Variants in STK3 observed in about 807,000 individuals in gnomAD.
STK3 encodes serine/threonine kinase 3.
In STK3, 41 loss-of-function variants were observed where a neutral mutation model predicts 58.0. The observed-to-expected ratio is 0.71, with a 90% CI of 0.55 to 0.92. The LOEUF (loss-of-function observed/expected upper bound fraction) is 0.92, where lower values mean the gene tolerates loss of function less well. STK3 is among the 40% of genes least tolerant of loss of function. The pLI is 0.00. For missense variants in STK3, 479 were observed against 602.7 expected (o/e 0.79, Z 2.15); for synonymous variants, 170 against 191.0 (o/e 0.89, Z 0.91).
At chr8:98,526,143 T>C (rs1825729974) in intron 10 of STK3, among the ~76,000 whole-genome samples, 1 of 151,978 alleles carries the variant, frequency 6.6e-6, no homozygotes, top group Non-Finnish European at 1.5e-5. Flanking sequence ...AAATAGTTCA[T>C]CTGTATTTTA....
intron 1 of STK3, among the ~76,000 whole-genome samples, chr8:98,899,677 C>T (rs1838584335): frequency 1.3e-5 from 2 of 152,210 alleles, no homozygotes; most frequent in Middle Eastern, 3.4e-3. Context: ...TGGGGGATAA[C>T]TGTACTTTAT....
chr8:98,566,530 T>C (rs900399945), intron 8 of STK3, among the ~76,000 whole-genome samples: 23 of 152,286 alleles, frequency 1.5e-4, no homozygotes, highest in African/African-American at 5.5e-4. Context: ...TCTCCCTTAA[T>C]GTAGCAGCGA....
intron 4 of STK3, among the ~76,000 whole-genome samples, chr8:98,723,141 T>A (rs1165181001): frequency 1.3e-5 from 2 of 152,120 alleles, no homozygotes; most frequent in Non-Finnish European, 2.9e-5. Context: ...ATCCTCTGAA[T>A]CACATTTTAT....
chr8:98,673,202 T>A (rs1016134915), intron 6 of STK3, among the ~76,000 whole-genome samples: 1 of 152,224 alleles, frequency 6.6e-6, no homozygotes, highest in African/African-American at 2.4e-5. Context: ...ATACTTAGGA[T>A]CTACTTTATA....
rs547415983 is a variant in STK3, at chr8:98,874,947, T to C, written c.110+8700A>G. 1.8e-4 allele frequency among the ~76,000 whole-genome samples: 28 copies of C among 152,312 alleles called. 1 individual carries two copies. Among genetic ancestry groups the C allele is most frequent in the African/African-American group, 6.7e-4 (28 of 41,576 alleles). On this transcript the variant is annotated intron_variant, in intron 3 of 12. Coordinates refer to the STK3 transcript ENST00000523601. ...CCCTTGTTTATGATTTTTAAATATA[T>C]TCAGTAAATTAAAAATACAAGTCAT...
chr8:98,539,102 C>T (rs1424820774), intron 9 of STK3, among the ~76,000 whole-genome samples: 1 of 152,132 alleles, frequency 6.6e-6, no homozygotes, highest in Non-Finnish European at 1.5e-5. Context: ...GAAAGTAGTT[C>T]CCCTACACAT....
intron 6 of STK3, among the ~76,000 whole-genome samples, chr8:98,659,230 A>G (rs527585999): frequency 1.4e-4 from 21 of 152,198 alleles, no homozygotes; most frequent in Non-Finnish European, 2.8e-4. Context: ...AAGGAGTAAT[A>G]TATCACTTAT....
chr8:98,649,322 C>T (rs1275169147), intron 6 of STK3, among the ~76,000 whole-genome samples: 1 of 151,976 alleles, frequency 6.6e-6, no homozygotes, highest in African/African-American at 2.4e-5. Flanking sequence ...CAATGAGATC[C>T]CACATATAAG....
At position 98,800,440 on chromosome 8, in the gene STK3, CCTCA is replaced by C. The variant is rs1416360525; in HGVS notation, c.26+25071_26+25074del. Among the ~76,000 whole-genome samples, 1 of 152,142 alleles carries C rather than the reference CCTCA, an allele frequency of 6.6e-6. No homozygotes were observed. Among genetic ancestry groups the C allele is most frequent in the African/African-American group, 2.4e-5 (1 of 41,450 alleles). On this transcript the variant is annotated intron_variant, in intron 1 of 10. Transcript: ENST00000419617. The surrounding 1 kb of genome is among the most constrained non-coding windows in gnomAD (Gnocchi z 4.8). ...TGAGAGGTAACAACGTGCTAGCAGCCCTCACTCACTCTCAGCACCTCCTCGGCCT... is the reference window on the plus strand; with the variant it reads ...TGAGAGGTAACAACGTGCTAGCAGCCCTCACTCTCAGCACCTCCTCGGCCT...
intron 7 of STK3, among the ~76,000 whole-genome samples, chr8:98,580,394 T>C (rs1449279653): frequency 6.6e-6 from 1 of 152,244 alleles, no homozygotes; most frequent in African/African-American, 2.4e-5. Flanking sequence ...AGCTAAGCTC[T>C]CTATCATTCT....
intron 3 of STK3, among the ~76,000 whole-genome samples, chr8:98,409,099 C>G (rs1193436681): frequency 6.6e-6 from 1 of 152,192 alleles, no homozygotes; most frequent in African/African-American, 2.4e-5. Flanking sequence ...CTCCTCAGCC[C>G]CATGCCCCAG....
chr8:98,880,674 AT>A (rs1283286177), downstream of STK3: 1 of 152,190 alleles, frequency 6.6e-6, no homozygotes, highest in African/African-American at 2.4e-5. Flanking sequence ...ACATGAAAAG[AT>A]CTCACTTCAC....
At chr8:98,781,526 T>C (rs1225645861) in intron 1 of STK3, among the ~76,000 whole-genome samples, 1 of 152,152 alleles carries the variant, frequency 6.6e-6, no homozygotes, top group Admixed American at 6.5e-5. Flanking sequence ...GCAGGGAATC[T>C]TTCCCACTAT....
At chr8:98,633,709 A>G in intron 6 of STK3, 1 of 675,958 alleles carries the variant, frequency 1.5e-6, no homozygotes, top group East Asian at 2.8e-5. Flanking sequence ...TCTAAGTGAC[A>G]GACATCTGGA....
intron 1 of STK3, among the ~76,000 whole-genome samples, chr8:98,795,098 AAAAAAATATATAT>A (rs1378483797): frequency 4.6e-4 from 24 of 51,646 alleles, no homozygotes; most frequent in Non-Finnish European, 7.8e-4. Context: ...AAAAAAAAAA[AAAAAAATATATAT>A]ATATATATAT....
chr8:98,456,497 T>C (rs1041362435), intron 10 of STK3, among the ~76,000 whole-genome samples: 4 of 152,320 alleles, frequency 2.6e-5, no homozygotes, highest in African/African-American at 7.2e-5. Context: ...ATAAAGAAGA[T>C]GACTGTGGTA....
chr8:98,485,963 A>G (rs1383593631), intron 10 of STK3, among the ~76,000 whole-genome samples: 1 of 152,236 alleles, frequency 6.6e-6, no homozygotes. Flanking sequence ...CCCATGACAA[A>G]GCTCCAAAGA....
chr8:98,941,791 C>T (rs1840443407), intron 1 of STK3, among the ~76,000 whole-genome samples: 1 of 152,252 alleles, frequency 6.6e-6, no homozygotes, highest in Non-Finnish European at 1.5e-5. Flanking sequence ...TTCAGGCAGC[C>T]GCTGCTCGCG....
intron 3 of STK3, among the ~76,000 whole-genome samples, chr8:98,836,565 C>T (rs1835755846): frequency 6.6e-6 from 1 of 152,338 alleles, no homozygotes; most frequent in South Asian, 2.1e-4. Context: ...ACTAGCCAAT[C>T]CCTTGTTACT....
Sources: gnomAD v4.1 joint callset for allele counts (sites outside exome capture counted in the v4.1 genomes callset) on GRCh38, gnomAD v4.1.1 for gene constraint, Gnocchi (gnomAD v3.1) non-coding constraint, MANE v1.5 for transcripts, NCBI Gene and HGNC (gene_info 2026-07-23, HGNC 2026-07-21) for gene names.